Variants in SLC35F4 observed in about 807,000 individuals in gnomAD.
SLC35F4 encodes chromosome 14 open reading frame 36.
A neutral mutation model predicts 44.2 loss-of-function variants in SLC35F4; 24 were observed. The ratio of observed to expected loss-of-function variants is 0.54; its 90% confidence interval spans 0.39 to 0.76. The LOEUF (loss-of-function observed/expected upper bound fraction) is 0.76, where lower values mean the gene tolerates loss of function less well. Among genes scored for constraint, SLC35F4 ranks in the 30% least tolerant of loss-of-function variants. The pLI, the probability that SLC35F4 is intolerant of heterozygous loss-of-function variation, is 0.00. For missense variants in SLC35F4, 562 were observed against 586.1 expected (o/e 0.96, Z 0.42); for synonymous variants, 238 against 223.6 (o/e 1.06, Z -0.57).
intron 1 of SLC35F4, among the ~76,000 whole-genome samples, chr14:57,907,921 C>T (rs550157695): frequency 1.9e-4 from 29 of 151,506 alleles, no homozygotes; most frequent in South Asian, 4.2e-4. Flanking sequence ...CCTATTGACC[C>T]GTCCTCTAAG....
At chr14:57,652,184 C>T (rs529220667) in intron 1 of SLC35F4, among the ~76,000 whole-genome samples, 5 of 152,182 alleles carry the variant, frequency 3.3e-5, no homozygotes, top group Non-Finnish European at 7.4e-5. Context: ...ATGGAAAAGA[C>T]TAGAATTTTC....
intron 1 of SLC35F4, among the ~76,000 whole-genome samples, chr14:57,759,861 A>C (rs1479660450): frequency 7.1e-6 from 1 of 141,288 alleles, no homozygotes; most frequent in Non-Finnish European, 1.5e-5. Context: ...AAATTAGATT[A>C]TTTGCTCTTT....
intron 1 of SLC35F4, among the ~76,000 whole-genome samples, chr14:57,732,245 A>G (rs532545758): frequency 6.6e-6 from 1 of 152,330 alleles, no homozygotes; most frequent in South Asian, 2.1e-4. Flanking sequence ...TCAGACTATA[A>G]CTTAGTCTGT....
chr14:57,780,867 C>T (rs143575721), intron 1 of SLC35F4, among the ~76,000 whole-genome samples: 137 of 151,826 alleles, frequency 9.0e-4, no homozygotes, highest in African/African-American at 3.2e-3. Context: ...AGGCCATATG[C>T]AGAACATTGA....
intron 1 of SLC35F4, among the ~76,000 whole-genome samples, chr14:57,893,297 A>G (rs1426083318): frequency 6.6e-6 from 1 of 152,200 alleles, no homozygotes; most frequent in Non-Finnish European, 1.5e-5. Context: ...AAAAATAACA[A>G]TAGCTATCAT....
chr14:57,779,141 G>A (rs754751130), intron 1 of SLC35F4, among the ~76,000 whole-genome samples: 1 of 152,058 alleles, frequency 6.6e-6, no homozygotes, highest in Non-Finnish European at 1.5e-5. Context: ...CAAAATCAGA[G>A]CTGAAGTGAA....
At chr14:57,704,407 G>T (rs1327730148) in intron 1 of SLC35F4, among the ~76,000 whole-genome samples, 5 of 152,094 alleles carry the variant, frequency 3.3e-5, no homozygotes, top group Non-Finnish European at 7.4e-5. Context: ...AGTAATTCTT[G>T]CCTTTAAACA....
chr14:57,642,911 T>C (rs572207760), intron 1 of SLC35F4, among the ~76,000 whole-genome samples: 3 of 152,090 alleles, frequency 2.0e-5, no homozygotes, highest in South Asian at 2.1e-4. Context: ...CTTTGGCATA[T>C]CTTTAGATTG....
At chr14:57,714,773 T>C (rs1309506259) in intron 1 of SLC35F4, among the ~76,000 whole-genome samples, 1 of 152,098 alleles carries the variant, frequency 6.6e-6, no homozygotes, top group Non-Finnish European at 1.5e-5. Flanking sequence ...AGATTAGTGA[T>C]AGAGAGATGC....
intron 1 of SLC35F4, among the ~76,000 whole-genome samples, chr14:57,957,277 C>T (rs143057134): frequency 1.8e-4 from 28 of 151,430 alleles, no homozygotes; most frequent in East Asian, 1.6e-3. Context: ...TATCACACAC[C>T]GGGGACTGTC....
At chr14:57,633,282 A>G (rs1361409667) in intron 1 of SLC35F4, among the ~76,000 whole-genome samples, 2 of 152,136 alleles carry the variant, frequency 1.3e-5, no homozygotes, top group Non-Finnish European at 2.9e-5. Context: ...CAGTAAGAGT[A>G]TATTTAGCTT....
At chr14:57,823,243 C>A (rs1398081030) in intron 1 of SLC35F4, among the ~76,000 whole-genome samples, 4 of 152,122 alleles carry the variant, frequency 2.6e-5, no homozygotes, top group Non-Finnish European at 5.9e-5. Context: ...AGTCCCTTTT[C>A]TCTCCCCTTC....
intron 1 of SLC35F4, among the ~76,000 whole-genome samples, chr14:57,871,271 C>A (rs1428345136): frequency 6.6e-6 from 1 of 152,176 alleles, no homozygotes; most frequent in African/African-American, 2.4e-5. Context: ...GAAGATCAGA[C>A]CTCCTTGATG....
intron 1 of SLC35F4, among the ~76,000 whole-genome samples, chr14:57,815,751 C>G (rs1330463085): frequency 6.6e-6 from 1 of 152,088 alleles, no homozygotes. Context: ...TAGCGCATCT[C>G]CCAGGATGCT....
chr14:57,940,712 T>A lies in SLC35F4; in HGVS notation n.282+41201A>T, dbSNP rs1324986153. 1.1e-4 allele frequency among the ~76,000 whole-genome samples: 16 copies of A among 152,124 alleles called. No homozygotes were observed. In the East Asian group the frequency reaches 3.1e-3, roughly 29 times the overall value. Reference sequence around the variant, plus strand: ...TTGCCCAGGTGTCTCATCCAACTCCTCCTCTTCTTCCATCACAAGCAATGC... The same window carrying A: ...TTGCCCAGGTGTCTCATCCAACTCCACCTCTTCTTCCATCACAAGCAATGC... On this transcript the variant is annotated intron_variant and non_coding_transcript_variant, in intron 1 of 1. Coordinates refer to the SLC35F4 transcript ENST00000556568.
At chr14:57,721,383 G>A (rs1594882866) in intron 1 of SLC35F4, among the ~76,000 whole-genome samples, 1 of 152,140 alleles carries the variant, frequency 6.6e-6, no homozygotes, top group Admixed American at 6.5e-5. Context: ...ACATAATGAA[G>A]TTGGTTGTTT....
At chr14:57,703,236 G>A (rs1566778805) in intron 1 of SLC35F4, among the ~76,000 whole-genome samples, 1 of 152,056 alleles carries the variant, frequency 6.6e-6, no homozygotes, top group South Asian at 2.1e-4. Flanking sequence ...CAGAGTAACT[G>A]GCATGTAATA....
intron 1 of SLC35F4, among the ~76,000 whole-genome samples, chr14:57,761,363 T>C (rs1163328262): frequency 6.6e-6 from 1 of 152,158 alleles, no homozygotes; most frequent in Non-Finnish European, 1.5e-5. Flanking sequence ...TCTACTATTA[T>C]TTTAAAAATC....
chr14:57,822,955 C>A (rs10133472), intron 1 of SLC35F4, among the ~76,000 whole-genome samples: 27,008 of 152,078 alleles, frequency 0.18, 3,145 homozygotes, highest in African/African-American at 0.33. Flanking sequence ...AAAAATCCAT[C>A]TAGTGATATA....
Sources: gnomAD v4.1 joint callset for allele counts (sites outside exome capture counted in the v4.1 genomes callset) on GRCh38, gnomAD v4.1.1 for gene constraint, MANE v1.5 for transcripts, NCBI Gene and HGNC (gene_info 2026-07-23, HGNC 2026-07-21) for gene names.